The following RAP1GAP2 variants were observed in gnomAD, a reference collection of about 807,000 sequenced individuals.
RAP1GAP2 encodes rap1 GTPase-activating protein 2.
In RAP1GAP2, 27 loss-of-function variants were observed where a neutral mutation model predicts 95.0. The ratio of observed to expected loss-of-function variants is 0.28; its 90% CI spans 0.21 to 0.39. The LOEUF (loss-of-function observed/expected upper bound fraction) is 0.39, where lower values mean the gene tolerates loss of function less well. Among genes scored for constraint, RAP1GAP2 ranks in the 10% least tolerant of loss-of-function variants. RAP1GAP2 has a pLI of 1.00. For synonymous variants in RAP1GAP2, 373 were observed against 380.9 expected, an observed-to-expected ratio of 0.98 and a Z score of 0.24; for missense variants, 771 against 970.0, an observed-to-expected ratio of 0.79 and a Z score of 2.72.
chr17:2,761,608 A>T (rs1269134444), intron 1 of RAP1GAP2, among the ~76,000 whole-genome samples: 1 of 152,098 alleles, frequency 6.6e-6, no homozygotes, highest in Non-Finnish European at 1.5e-5. Context: ...CATTCTCATC[A>T]TATCGTCAAG....
chr17:2,776,313 T>C (rs2068497790), upstream of RAP1GAP2, among the ~76,000 whole-genome samples: 1 of 152,192 alleles, frequency 6.6e-6, no homozygotes, highest in African/African-American at 2.4e-5. Context: ...CCCCAGAGTA[T>C]CTTCCTCAGT....
chr17:2,917,834 G>C (rs1299862364), intron 3 of RAP1GAP2, among the ~76,000 whole-genome samples: 2 of 151,974 alleles, frequency 1.3e-5, no homozygotes, highest in Non-Finnish European at 2.9e-5. Flanking sequence ...TCCTGCCTCA[G>C]CTTCCCAAGT....
chr17:2,906,655 C>T lies in RAP1GAP2; in HGVS notation c.165+1287C>T, dbSNP rs1273512130. Among the ~76,000 whole-genome samples, 1 of 152,032 alleles carries T rather than the reference C, an allele frequency of 6.6e-6. No homozygotes were observed. The highest frequency in any genetic ancestry group is 6.6e-5 in the Admixed American group (1 of 15,264). ...CTTTGCACAGGGTAATGCTAAGAAGCCTGTCACCATTCCGAGTGTCCCCTT... is the reference window on the plus strand; with the variant it reads ...CTTTGCACAGGGTAATGCTAAGAAGTCTGTCACCATTCCGAGTGTCCCCTT... On this transcript the variant is annotated intron_variant, in intron 3 of 24. Transcript: ENST00000254695. The surrounding 1 kb of genome is among the most constrained non-coding windows in gnomAD (Gnocchi z 4.3).
chr17:2,891,844 A>G (rs2073733997), intron 2 of RAP1GAP2, among the ~76,000 whole-genome samples: 1 of 57,140 alleles, frequency 1.8e-5, no homozygotes, highest in African/African-American at 6.9e-5. Context: ...TTTTTTTGAG[A>G]CAGAGTTTCA....
At chr17:2,922,831 TG>T (rs143692632) in intron 3 of RAP1GAP2, among the ~76,000 whole-genome samples, 40,657 of 126,728 alleles carry the variant, frequency 0.32, 7,006 homozygotes, top group African/African-American at 0.48. Context: ...TTTTTGTTTT[TG>T]TTTTTTTTTT....
chr17:2,918,978 A>G (rs1224639837), intron 3 of RAP1GAP2, among the ~76,000 whole-genome samples: 2 of 152,312 alleles, frequency 1.3e-5, no homozygotes, highest in Middle Eastern at 3.4e-3. Flanking sequence ...GAGAATAGCA[A>G]TGCTTAGAGA....
At chr17:2,969,268 T>A (rs1222903850) in intron 8 of RAP1GAP2, among the ~76,000 whole-genome samples, 1 of 151,766 alleles carries the variant, frequency 6.6e-6, no homozygotes, top group Non-Finnish European at 1.5e-5. Flanking sequence ...TTTGGAATAT[T>A]TACACAAATT....
intron 2 of RAP1GAP2, among the ~76,000 whole-genome samples, chr17:2,824,488 A>T (rs1436280710): frequency 1.3e-5 from 2 of 150,996 alleles, no homozygotes; most frequent in Non-Finnish European, 2.9e-5. Flanking sequence ...CACGCCTGTA[A>T]TCCCAGCATT....
At chr17:2,986,637 A>G (rs1413496574) in intron 11 of RAP1GAP2, among the ~76,000 whole-genome samples, 1 of 151,664 alleles carries the variant, frequency 6.6e-6, no homozygotes, top group Non-Finnish European at 1.5e-5. Flanking sequence ...TCAAAGCCCT[A>G]TGCTGGTCTC....
Position 2,904,051 on chromosome 17 carries a change from G to A in RAP1GAP2, c.81-1233G>A, listed in dbSNP as rs1179591868. Among the ~76,000 whole-genome samples, 1 of 152,194 alleles carries A rather than the reference G, an allele frequency of 6.6e-6. No individual in the cohort carries two copies. Among genetic ancestry groups the A allele is most frequent in the Non-Finnish European group, 1.5e-5 (1 of 68,044 alleles). On this transcript the variant is annotated intron_variant, in intron 2 of 24. Coordinates refer to ENST00000254695, the MANE Select transcript of RAP1GAP2 (RefSeq NM_015085.5). The surrounding 1 kb of genome is among the most constrained non-coding windows in gnomAD (Gnocchi z 4.7). ...ATCATTTACGCAGGACCTGGGGGTT[G>A]GGCTGACTCTCTCTGCTGCTTCAGA... is the stretch of plus-strand genomic sequence containing the variant.
chr17:2,936,866 G>A (rs2043324956), intron 3 of RAP1GAP2, among the ~76,000 whole-genome samples: 2 of 152,250 alleles, frequency 1.3e-5, no homozygotes, highest in South Asian at 2.1e-4. Flanking sequence ...CTTGCTCTTC[G>A]TTTTCCGGAT....
chr17:2,794,089 C>CAA (rs397700707), upstream of RAP1GAP2, among the ~76,000 whole-genome samples: 1,211 of 82,358 alleles, frequency 0.015, 15 homozygotes, highest in Non-Finnish European at 0.02. Flanking sequence ...CGAGACTCTT[C>CAA]AAAAAAAAAA....
chr17:2,811,602 G>A (rs2069770919), intron 2 of RAP1GAP2, among the ~76,000 whole-genome samples: 1 of 152,120 alleles, frequency 6.6e-6, no homozygotes, highest in African/African-American at 2.4e-5. Flanking sequence ...TTTTGAGACG[G>A]AGTCTCGCTC....
At chr17:2,964,929 C>T (rs1291584764) in intron 7 of RAP1GAP2, 4 of 152,700 alleles carry the variant, frequency 2.6e-5, no homozygotes, top group Non-Finnish European at 5.8e-5. Flanking sequence ...CTCAGAGCCC[C>T]TGGGTCTTGT....
At chr17:2,999,768 G>C (rs1307603007) in intron 14 of RAP1GAP2, among the ~76,000 whole-genome samples, 1 of 149,238 alleles carries the variant, frequency 6.7e-6, no homozygotes, top group East Asian at 1.9e-4. Context: ...GCAACATAGC[G>C]AGACCCTGTC....
rs575801200 is a variant in RAP1GAP2, at chr17:2,885,005, A to G, written c.81-20279A>G. 2.0e-5 allele frequency among the ~76,000 whole-genome samples: 3 copies of G among 149,160 alleles called. No individual in the cohort carries two copies. The East Asian group carries it at 5.9e-4, about 29-fold the overall frequency. ...GCCGTTACGGCCTGGCAGGCCAAAT[A>G]GGCACATTTCTTTTATTTCTTTCTT... On this transcript the variant is annotated intron_variant, in intron 2 of 24. Coordinates refer to ENST00000254695, the MANE Select transcript of RAP1GAP2 (RefSeq NM_015085.5).
At chr17:2,800,995 G>A (rs1426782364) in intron 2 of RAP1GAP2, among the ~76,000 whole-genome samples, 11 of 150,942 alleles carry the variant, frequency 7.3e-5, no homozygotes, top group South Asian at 4.2e-4. Flanking sequence ...GATTACAGGC[G>A]CCCACCACCA....
intron 4 of RAP1GAP2, among the ~76,000 whole-genome samples, chr17:2,961,144 G>A (rs537027998): frequency 6.6e-6 from 1 of 152,088 alleles, no homozygotes; most frequent in East Asian, 1.9e-4. Context: ...TTGAACGCGG[G>A]AGGTGGAGGT....
In RAP1GAP2 at chr17:2,780,207, C is replaced by T. The variant is rs376608877; in HGVS notation, c.-14+2929C>T. Among the ~76,000 whole-genome samples the T allele has an allele frequency of 1.3e-4, 20 of 152,306 alleles. No homozygotes were observed. In the East Asian group the frequency reaches 1.7e-3, roughly 13 times the overall value. ...CTGGGATTACAGGCGTGCGCCACCA[C>T]GTCCTACTAATTTTTGTATTTTCAG... On this transcript the variant is annotated intron_variant, in intron 1 of 24. Transcript: ENST00000540393.
Sources: gnomAD v4.1 joint callset for allele counts (sites outside exome capture counted in the v4.1 genomes callset) on GRCh38, gnomAD v4.1.1 for gene constraint, Gnocchi (gnomAD v3.1) non-coding constraint, MANE v1.5 for transcripts, NCBI Gene and HGNC (gene_info 2026-07-23, HGNC 2026-07-21) for gene names.